Variants in MACF1 observed in about 807,000 individuals in gnomAD.
The protein encoded by MACF1 is microtubule actin crosslinking factor 1, also known as microtubule-actin cross-linking factor 1.
Under a neutral mutation model 854.8 loss-of-function variants are expected in MACF1, and 193 were observed. The ratio of observed to expected loss-of-function variants is 0.23; its 90% CI spans 0.20 to 0.25. The LOEUF (loss-of-function observed/expected upper bound fraction) is 0.25, where lower values mean the gene tolerates loss of function less well. Among genes scored for constraint, MACF1 ranks in the 10% least tolerant of loss-of-function variants. MACF1 has a pLI of 1.00. For missense variants in MACF1, 7,722 were observed against 8,929.1 expected (o/e 0.86, Z 5.45); for synonymous variants, 3,185 against 3,226.7 (o/e 0.99, Z 0.44).
At chr1:39,435,052 T>C (rs559179979) in intron 69 of MACF1, among the ~76,000 whole-genome samples, 3 of 152,384 alleles carry the variant, frequency 2.0e-5, no homozygotes, top group Admixed American at 1.3e-4. Flanking sequence ...TGTTTATTTC[T>C]GGTTTATGGC....
intron 58 of MACF1, among the ~76,000 whole-genome samples, chr1:39,390,318 A>G (rs1184290636): frequency 6.6e-6 from 1 of 152,216 alleles, no homozygotes; most frequent in Non-Finnish European, 1.5e-5. Flanking sequence ...TGCAGAGGTA[A>G]TGTTGACACC....
intron 2 of MACF1, among the ~76,000 whole-genome samples, chr1:39,248,403 C>T (rs1217887199): frequency 6.6e-6 from 1 of 151,980 alleles, no homozygotes; most frequent in Non-Finnish European, 1.5e-5. Flanking sequence ...TGCAATGATA[C>T]CTTACTGCAG....
intron 2 of MACF1, among the ~76,000 whole-genome samples, chr1:39,183,745 A>G (rs977360620): frequency 1.3e-5 from 2 of 152,136 alleles, no homozygotes; most frequent in African/African-American, 4.8e-5. Flanking sequence ...AGCTCCACCA[A>G]GATCCTCACT....
At chr1:39,096,183 C>CA (rs35710100) in intron 2 of MACF1, among the ~76,000 whole-genome samples, 46,673 of 117,190 alleles carry the variant, frequency 0.4, 8,852 homozygotes, top group East Asian at 0.66. Flanking sequence ...GACCCTGTCT[C>CA]AAAAAAAAAA....
chr1:39,465,075 TTACTC>T lies in MACF1; in HGVS notation c.21754-18_21754-14del, dbSNP rs768932135. 1,025 of 1,610,772 alleles carry T rather than the reference TTACTC, an allele frequency of 6.4e-4. 13 individuals carry two copies. The highest frequency in any genetic ancestry group is 1.3e-4 in the Non-Finnish European group (150 of 1,177,264). On this transcript the variant is annotated splice_polypyrimidine_tract_variant and intron_variant, in intron 94 of 100. Transcript: ENST00000564288. ...TTTTTCCCCTCCTTTCCTCCATCCT[TTACTC>T]TTTACTGTCTATAGTTCTTCCTCGG...
At chr1:39,253,027 C>T (rs986621202) in intron 4 of MACF1, among the ~76,000 whole-genome samples, 2 of 152,176 alleles carry the variant, frequency 1.3e-5, no homozygotes, top group Non-Finnish European at 2.9e-5. Context: ...GTCAATTTGA[C>T]ACTTACAAAA....
At chr1:39,168,834 G>T (rs780245112) in intron 2 of MACF1, among the ~76,000 whole-genome samples, 2 of 152,104 alleles carry the variant, frequency 1.3e-5, no homozygotes, top group Admixed American at 6.5e-5. Context: ...TCTGTGTGTT[G>T]TACAGGCTGG....
At position 39,380,304 on chromosome 1, in the gene MACF1, G is replaced by C; in HGVS notation, c.13579G>C (p.Ala4527Pro). The stretch of plus-strand genomic sequence containing the variant: ...AATTCAAAAAGTAAAGGAAGCCCTG[G>C]CTGGATTACTGGTGACATATCCCAA... ...PKIQKVKEALAGLLVTYPNSQ... is the reference protein window; with the variant it reads ...PKIQKVKEALPGLLVTYPNSQ... The change falls in exon 55 of 101, where the codon GCT (alanine) becomes CCT (proline). Residue 4527 changes from alanine to proline, a missense_variant. Transcript: ENST00000564288. 1 of 1,613,714 alleles carries C rather than the reference G, an allele frequency of 6.2e-7. No homozygotes were observed. The highest frequency in any genetic ancestry group is 2.2e-5 in the East Asian group (1 of 44,838).
chr1:39,270,275 C>A (rs918764812), intron 6 of MACF1, among the ~76,000 whole-genome samples: 1 of 152,170 alleles, frequency 6.6e-6, no homozygotes, highest in Admixed American at 6.5e-5. Flanking sequence ...AGGGCTCATC[C>A]TTCTTTGGTT....
intron 2 of MACF1, 196 bp from the exon 3 acceptor site, chr1:39,249,814 AACAC>A: frequency 2.2e-6 from 1 of 454,442 alleles, no homozygotes; most frequent in Non-Finnish European, 3.9e-6. Context: ...CAATTTAAAA[AACAC>A]ACACGTTTCT....
chr1:39,171,477 G>A (rs1159550722), intron 2 of MACF1, among the ~76,000 whole-genome samples: 1 of 152,014 alleles, frequency 6.6e-6, no homozygotes, highest in Non-Finnish European at 1.5e-5. Flanking sequence ...TTTGTGACTT[G>A]CCTGCCCTGG....
chr1:39,451,306 C>T (rs957215099), intron 85 of MACF1, 95 bp downstream of exon 85: 8 of 1,248,266 alleles, frequency 6.4e-6, no homozygotes, highest in Non-Finnish European at 8.6e-6. Flanking sequence ...GCCCTTCTTT[C>T]TAGGGGAGAA....
At chr1:39,137,157 C>T (rs1245389464) in intron 2 of MACF1, among the ~76,000 whole-genome samples, 1 of 152,172 alleles carries the variant, frequency 6.6e-6, no homozygotes, top group East Asian at 1.9e-4. Context: ...GCAACCACCA[C>T]CTCCCAGGTT....
At position 39,413,919 on chromosome 1, in the gene MACF1, G is replaced by A. The variant is rs533696146; in HGVS notation, c.15817-8455G>A. ...CCACCCTAGAGGAATTCACTTCCCC[G>A]GCAGCTTCAGTGCCCACCTCTGAGG... On this transcript the variant is annotated intron_variant, in intron 58 of 100. Coordinates refer to ENST00000564288, the MANE Select transcript of MACF1 (RefSeq NM_001394062.1). 558 of 1,595,514 alleles carry A rather than the reference G, an allele frequency of 3.5e-4. 7 individuals carry two copies. The South Asian group carries it at 4.6e-3, about 13-fold the overall frequency.
chr1:39,185,604 CTTTA>C (rs776077252), intron 2 of MACF1, among the ~76,000 whole-genome samples: 2 of 151,902 alleles, frequency 1.3e-5, no homozygotes, highest in Non-Finnish European at 2.9e-5. Context: ...GGAAGGAAAG[CTTTA>C]TTTATTTCTT....
intron 2 of MACF1, among the ~76,000 whole-genome samples, chr1:39,199,362 C>T (rs894276503): frequency 1.3e-5 from 2 of 151,548 alleles, no homozygotes; most frequent in Non-Finnish European, 2.9e-5. Flanking sequence ...CAGACATGGG[C>T]CAGACACAGT....
rs3738670 is a variant in MACF1 at position 39,368,004 on chromosome 1, T to G, written c.12772-144T>G. 34 of 271,282 alleles carry G rather than the reference T, an allele frequency of 1.3e-4. No homozygotes were observed. In the East Asian group the frequency reaches 2.3e-3, roughly 18 times the overall value. 16.8% of individuals were successfully genotyped at this position (271,282 alleles called of 1,614,324 possible). A position where few individuals can be genotyped will look rare whatever the true frequency, so the allele number is the denominator to read the frequency against. ...AAAAAAAAAAAAAAATGTTTGTTTG[T>G]TTTTTTTAAACTTTTCACTGAGTTG... On this transcript the variant is annotated intron_variant, in intron 49 of 100. Coordinates refer to ENST00000564288, the MANE Select transcript of MACF1 (RefSeq NM_001394062.1).
chr1:39,366,571 G>C (rs1046861357), intron 49 of MACF1, among the ~76,000 whole-genome samples: 4 of 152,042 alleles, frequency 2.6e-5, no homozygotes, highest in African/African-American at 9.7e-5. Flanking sequence ...CTTTTGTGTT[G>C]CTATAGTAAG....
At chr1:39,339,902 AGGGT>A (rs1230367215) in intron 38 of MACF1, among the ~76,000 whole-genome samples, 1 of 152,114 alleles carries the variant, frequency 6.6e-6, no homozygotes, top group East Asian at 1.9e-4. Context: ...GGCCTTGGGT[AGGGT>A]GGCTGAACCG....
Sources: allele counts gnomAD v4.1 joint callset (sites outside exome capture counted in the v4.1 genomes callset), GRCh38; gene constraint gnomAD v4.1.1; transcripts MANE v1.5; gene names NCBI Gene and HGNC (gene_info 2026-07-23, HGNC 2026-07-21).